EPHB1: variants seen among roughly 807,000 people sequenced by gnomAD.
EPHB1 encodes the protein EPH receptor B1.
A neutral mutation model predicts 94.4 loss-of-function variants in EPHB1; 30 were observed. The ratio of observed to expected loss-of-function variants is 0.32; its 90% CI spans 0.24 to 0.43. EPHB1 has a LOEUF of 0.43. Among genes scored for constraint, EPHB1 ranks in the 20% least tolerant of loss-of-function variants. The pLI, the probability that EPHB1 is intolerant of heterozygous loss-of-function variation, is 1.00. For missense variants in EPHB1, 1,055 were observed against 1,308.3 expected, an observed-to-expected ratio of 0.81 and a Z score of 2.99; for synonymous variants, 522 against 489.1, an observed-to-expected ratio of 1.07 and a Z score of -0.89.
At chr3:134,804,389 T>C (rs541564002) in intron 1 of EPHB1, among the ~76,000 whole-genome samples, 5 of 151,948 alleles carry the variant, frequency 3.3e-5, no homozygotes, top group African/African-American at 7.2e-5. Flanking sequence ...TCCCTTGGCG[T>C]TGGTCCCTCC....
Position 134,813,544 on chromosome 3 carries a change from C to T in EPHB1, c.58+17855C>T, listed in dbSNP as rs189258098. On this transcript the variant is annotated intron_variant, in intron 1 of 15. Transcript: ENST00000398015. ...CAGAGGAAGCACCCCCTAGCCCAGC[C>T]CTGGACTCTCAGGACTGGGCCCATT... is the stretch of plus-strand genomic sequence containing the variant. Among the ~76,000 whole-genome samples the T allele has an allele frequency of 7.6e-4, 115 of 152,302 alleles. 2 individuals carry two copies. The highest frequency in any genetic ancestry group is 1.2e-4 in the Non-Finnish European group (8 of 68,002).
At position 134,795,651 on chromosome 3, in the gene EPHB1, T is replaced by C; in HGVS notation, c.20T>C (p.Leu7Pro). The change falls in exon 1 of 16, where the codon CTA becomes CCA. Residue 7 changes from leucine (L) to proline (P), a missense_variant. By Grantham distance (98) the Leu-to-Pro change is moderately conservative (BLOSUM62 -3). Coordinates refer to ENST00000398015, the MANE Select transcript of EPHB1 (RefSeq NM_004441.5). ...CCGGCGATGGCCCTGGATTATCTAC[T>C]ACTGCTCCTCCTGGCATCCGCAGTG... MALDYLLLLLLASAVAA... is the reference protein window; with the variant it reads MALDYLPLLLLASAVAA... 1.2e-6 allele frequency: 2 copies of C among 1,609,646 alleles called. No individual in the cohort carries two copies. Among genetic ancestry groups the C allele is most frequent in the Non-Finnish European group, 1.7e-6 (2 of 1,178,294 alleles).
At chr3:134,949,660 GA>G (rs1932937381) in intron 2 of EPHB1, among the ~76,000 whole-genome samples, 1 of 152,134 alleles carries the variant, frequency 6.6e-6, no homozygotes, top group African/African-American at 2.4e-5. Context: ...TGGTTACCTT[GA>G]TCACCACTCC....
At chr3:134,892,050 A>G (rs1287664052) in intron 1 of EPHB1, among the ~76,000 whole-genome samples, 1 of 152,182 alleles carries the variant, frequency 6.6e-6, no homozygotes, top group African/African-American at 2.4e-5. Context: ...ATCCTCTCCA[A>G]ACTTTTGCTA....
intron 12 of EPHB1, among the ~76,000 whole-genome samples, chr3:135,225,047 C>T (rs765527167): frequency 2.0e-5 from 3 of 152,230 alleles, no homozygotes; most frequent in South Asian, 2.1e-4. Flanking sequence ...GGGGAGAGCA[C>T]GTTGAGGGGG....
rs113079028 is a variant in EPHB1 at position 134,916,887 on chromosome 3, A to G, written c.59-8929A>G. On this transcript the variant is annotated intron_variant, in intron 1 of 15. Coordinates refer to ENST00000398015, the MANE Select transcript of EPHB1 (RefSeq NM_004441.5). ...GGCCGAGGAGGTACCAAGAGCGAGCAAGGGCTGCGAGGGCTGCCAGCACAC... is the reference window on the plus strand; with the variant it reads ...GGCCGAGGAGGTACCAAGAGCGAGCGAGGGCTGCGAGGGCTGCCAGCACAC... Among the ~76,000 whole-genome samples, 368 of 152,334 alleles carry G rather than the reference A, an allele frequency of 2.4e-3. 2 individuals carry two copies. The highest frequency in any genetic ancestry group is 7.0e-3 in the African/African-American group (292 of 41,582).
chr3:134,934,615 C>T (rs759147589), intron 2 of EPHB1, among the ~76,000 whole-genome samples: 11 of 150,350 alleles, frequency 7.3e-5, no homozygotes, highest in Admixed American at 4.0e-4. Flanking sequence ...ACAGATGACC[C>T]GTGTTGTGCA....
At chr3:134,987,727 C>T (rs570061424) in intron 3 of EPHB1, among the ~76,000 whole-genome samples, 20 of 152,092 alleles carry the variant, frequency 1.3e-4, no homozygotes, top group Non-Finnish European at 2.8e-4. Flanking sequence ...GCCGAGATCA[C>T]GCCATTGTAT....
chr3:134,937,534 T>C (rs543555348), intron 2 of EPHB1, among the ~76,000 whole-genome samples: 2 of 152,354 alleles, frequency 1.3e-5, no homozygotes, highest in East Asian at 3.9e-4. Context: ...CAGTCAAAAC[T>C]TCCCAAGCTC....
intron 9 of EPHB1, among the ~76,000 whole-genome samples, chr3:135,178,795 T>G (rs1942066081): frequency 6.6e-6 from 1 of 152,134 alleles, no homozygotes; most frequent in Non-Finnish European, 1.5e-5. Flanking sequence ...TGCCTTCCCC[T>G]GCTGACCTGA....
chr3:135,167,346 T>C (rs1026341030), intron 9 of EPHB1, among the ~76,000 whole-genome samples: 6 of 152,206 alleles, frequency 3.9e-5, no homozygotes, highest in African/African-American at 1.4e-4. Flanking sequence ...AGTTCTCTAT[T>C]AACATCTTCT....
At chr3:134,800,405 G>C (rs530788390) in intron 1 of EPHB1, among the ~76,000 whole-genome samples, 2 of 152,142 alleles carry the variant, frequency 1.3e-5, no homozygotes, top group African/African-American at 4.8e-5. Flanking sequence ...TGTTTTTCTA[G>C]CATGGGCAAA....
chr3:134,857,429 CT>C (rs938723302), intron 1 of EPHB1, among the ~76,000 whole-genome samples: 6 of 152,094 alleles, frequency 3.9e-5, no homozygotes, highest in African/African-American at 1.4e-4. Flanking sequence ...GATTGATTCA[CT>C]TTTTCACCAG....
At chr3:135,032,112 G>A (rs894632752) in intron 3 of EPHB1, among the ~76,000 whole-genome samples, 1 of 151,942 alleles carries the variant, frequency 6.6e-6, no homozygotes, top group Non-Finnish European at 1.5e-5. Flanking sequence ...AGATATTTCA[G>A]TCTGGAGTTT....
intron 10 of EPHB1, among the ~76,000 whole-genome samples, chr3:135,183,286 T>TCCTTCCTTCCTTCCTA (rs1175747424): frequency 1.1e-4 from 16 of 141,170 alleles, no homozygotes; most frequent in African/African-American, 4.2e-4. Context: ...CTTCCTTCCT[T>TCCTTCCTTCCTTCCTA]CCTTCCTGGA....
chr3:135,217,437 C>G (rs1178580952), intron 12 of EPHB1, among the ~76,000 whole-genome samples: 5 of 140,860 alleles, frequency 3.5e-5, no homozygotes, highest in Non-Finnish European at 7.6e-5. Flanking sequence ...CACACACACA[C>G]ACACACACAC....
chr3:135,137,040 A>G (rs1056833400), intron 5 of EPHB1, among the ~76,000 whole-genome samples: 11 of 152,222 alleles, frequency 7.2e-5, no homozygotes, highest in African/African-American at 2.4e-4. Flanking sequence ...TAAGTGAATG[A>G]CAAACTTTAC....
chr3:134,850,916 T>C (rs751990277), intron 1 of EPHB1, among the ~76,000 whole-genome samples: 3 of 152,250 alleles, frequency 2.0e-5, no homozygotes, highest in Admixed American at 6.5e-5. Flanking sequence ...ATTCATCTGC[T>C]TCCCCATGGG....
intron 6 of EPHB1, among the ~76,000 whole-genome samples, chr3:135,161,759 A>G (rs909678700): frequency 1.3e-5 from 2 of 152,174 alleles, no homozygotes; most frequent in Admixed American, 6.5e-5. Context: ...CTTCCTCGCC[A>G]GTCCCTGAGC....
Sources: allele counts gnomAD v4.1 joint callset (sites outside exome capture counted in the v4.1 genomes callset), GRCh38; gene constraint gnomAD v4.1.1; transcripts MANE v1.5; gene names NCBI Gene and HGNC (gene_info 2026-07-23, HGNC 2026-07-21).